Variants in ROS1 observed in about 807,000 individuals in gnomAD.
ROS1 encodes the protein ROS proto-oncogene 1, receptor tyrosine kinase.
Under a neutral mutation model 273.5 loss-of-function variants are expected in ROS1, and 263 were observed. That is an observed-to-expected ratio of 0.96 (90% CI 0.87 to 1.06). ROS1 has a LOEUF of 1.06. ROS1 is among the 50% of genes least tolerant of loss of function. The pLI is 0.00. For missense variants in ROS1, 2,833 were observed against 2,751.1 expected, an observed-to-expected ratio of 1.03 and a Z score of -0.67; for synonymous variants, 1,008 against 954.1, an observed-to-expected ratio of 1.06 and a Z score of -1.04.
intron 1 of ROS1, among the ~76,000 whole-genome samples, chr6:117,421,086 ATAAT>A (rs1411691771): frequency 4.6e-5 from 7 of 151,288 alleles, no homozygotes; most frequent in Non-Finnish European, 8.8e-5. Context: ...AGAAAAATTG[ATAAT>A]TTATTTTTAT....
At chr6:117,330,827 C>A in intron 32 of ROS1, among the ~76,000 whole-genome samples, 1 of 152,100 alleles carries the variant, frequency 6.6e-6, no homozygotes, top group East Asian at 1.9e-4. Context: ...CACAAAAAAC[C>A]CATACAAGGG....
At chr6:117,325,189 G>A (rs894709420) in intron 34 of ROS1, among the ~76,000 whole-genome samples, 2 of 152,114 alleles carry the variant, frequency 1.3e-5, no homozygotes, top group Non-Finnish European at 2.9e-5. Context: ...GCATGTGAGT[G>A]TATAAAATGC....
intron 7 of ROS1, among the ~76,000 whole-genome samples, chr6:117,399,019 A>G (rs961881825): frequency 6.6e-6 from 1 of 151,932 alleles, no homozygotes; most frequent in Non-Finnish European, 1.5e-5. Flanking sequence ...TGTCATTCCC[A>G]CAGCTAAAAG....
Position 117,329,435 on chromosome 6 carries a change from T to C in ROS1, c.5242A>G (p.Asn1748Asp). The C allele has an allele frequency of 1.3e-6, 2 of 1,554,322 alleles. No homozygotes were observed. The highest frequency in any genetic ancestry group is 1.4e-5 in the African/African-American group (1 of 73,670). The change falls in exon 33 of 44, where the codon AAT becomes GAT. Residue 1748 changes from asparagine to aspartate, a missense_variant. Coordinates refer to ENST00000368507, the MANE Select transcript of ROS1 (RefSeq NM_001378902.1). ...AGTAATTTGGGAATGCCTGGTTTAT[T>C]TGGGACTCCAGCTTTAGGGAAAAAA... ...ESFKTKAGVP[N>D]KPGIPKLLEG...
chr6:117,309,766 C>T (rs567766254), intron 41 of ROS1, among the ~76,000 whole-genome samples: 1 of 152,140 alleles, frequency 6.6e-6, no homozygotes, highest in Non-Finnish European at 1.5e-5. Flanking sequence ...GGTATTTGGG[C>T]ACACACTTGG....
At chr6:117,374,815 G>A (rs1477038136) in intron 18 of ROS1, among the ~76,000 whole-genome samples, 3 of 152,128 alleles carry the variant, frequency 2.0e-5, no homozygotes, top group South Asian at 4.1e-4. Context: ...TGTTGGCATG[G>A]ATGTGGTGAA....
At chr6:117,385,597 T>TA (rs60804513) in intron 16 of ROS1, 86 bp downstream of exon 16, 22,481 of 928,722 alleles carry the variant, frequency 0.024, 58 homozygotes, top group African/African-American at 0.064. Context: ...CACAGGTATT[T>TA]AAAAAAAAAA....
intron 1 of ROS1, among the ~76,000 whole-genome samples, chr6:117,424,990 A>C (rs1416989534): frequency 6.6e-6 from 1 of 152,226 alleles, no homozygotes; most frequent in Non-Finnish European, 1.5e-5. Context: ...ACACCCAGAA[A>C]TGAGAATGAA....
At chr6:117,329,154 C>G (rs1024060208) in intron 33 of ROS1, among the ~76,000 whole-genome samples, 175 bp downstream of exon 33, 2 of 152,188 alleles carry the variant, frequency 1.3e-5, no homozygotes, top group Non-Finnish European at 2.9e-5. Flanking sequence ...AATTAGCATG[C>G]CAAGACCAAC....
chr6:117,337,252 G>A lies in ROS1; in HGVS notation c.5150C>T (p.Thr1717Ile), dbSNP rs1777549804. The change falls in exon 32 of 44, where the codon ACT becomes ATT. Residue 1717 changes from threonine to isoleucine, a missense_variant. By Grantham distance (89) the Thr-to-Ile change is moderately conservative. Coordinates refer to ENST00000368507, the MANE Select transcript of ROS1 (RefSeq NM_001378902.1). Reference protein sequence around the residue: ...VCNITNLQPYTSYNVRVVVVY... With the variant: ...VCNITNLQPYISYNVRVVVVY... The stretch of plus-strand genomic sequence containing the variant: ...CACCACTACTCTGACATTATATGAA[G>A]TATAAGGTTGTAGATTTGTGATATT... 6.2e-7 allele frequency: 1 copy of A among 1,612,164 alleles called. No homozygotes were observed. Among genetic ancestry groups the A allele is most frequent in the South Asian group, 1.1e-5 (1 of 90,982 alleles).
At chr6:117,360,202 G>T in intron 23 of ROS1, 140 bp downstream of exon 23, 1 of 783,906 alleles carries the variant, frequency 1.3e-6, no homozygotes. Context: ...TGGTGTGTTG[G>T]GGTCAAAAAC....
chr6:117,419,806 T>C (rs1775615448), intron 1 of ROS1, among the ~76,000 whole-genome samples: 1 of 152,194 alleles, frequency 6.6e-6, no homozygotes, highest in Non-Finnish European at 1.5e-5. Flanking sequence ...AGTCACACTG[T>C]AACGGTAGTG....
chr6:117,328,559 C>T (rs912035882), intron 33 of ROS1: 6 of 413,500 alleles, frequency 1.5e-5, no homozygotes, highest in African/African-American at 1.2e-4. Flanking sequence ...ATGCCAGAGC[C>T]AGATGAAGCA....
intron 31 of ROS1, 76 bp downstream of exon 31, chr6:117,341,059 C>T (rs768751120): frequency 5.7e-5 from 50 of 875,316 alleles, no homozygotes; most frequent in Non-Finnish European, 7.7e-5. Flanking sequence ...TATACATGAG[C>T]ATGTTCTAGA....
intron 31 of ROS1, 26 bp from the exon 32 acceptor site, chr6:117,337,366 T>G: frequency 6.4e-7 from 1 of 1,563,182 alleles, no homozygotes; most frequent in Non-Finnish European, 8.7e-7. Context: ...TCGATTAATA[T>G]TTTTGTTTCT....
At chr6:117,294,341 A>G (rs1042371013) in intron 43 of ROS1, among the ~76,000 whole-genome samples, 5 of 152,132 alleles carry the variant, frequency 3.3e-5, no homozygotes, top group Admixed American at 6.5e-5. Context: ...ATAAAAAGGC[A>G]TCTCATAAAA....
At chr6:117,336,964 T>A (rs930182065) in intron 32 of ROS1, among the ~76,000 whole-genome samples, 1 of 152,126 alleles carries the variant, frequency 6.6e-6, no homozygotes, top group African/African-American at 2.4e-5. Flanking sequence ...TTTTGCCCAG[T>A]TCAGGATCCA....
Position 117,301,083 on chromosome 6 carries a change from A to C in ROS1, c.6606T>G (p.Phe2202Leu). The C allele has an allele frequency of 6.2e-7, 1 of 1,604,138 alleles. No individual in the cohort carries two copies. The highest frequency in any genetic ancestry group is 1.1e-5 in the South Asian group (1 of 87,996). ...ACTGAAGTTGGTCCTGAATTCTATG[A>C]AAAGTAGGTCTTTGGTCGGGTTCTT... The part of the protein sequence containing the change: ...WAQEPDQRPT[F>L]HRIQDQLQLF... Residue 2202 changes from phenylalanine to leucine, a missense_variant, in exon 43 of 44, where the codon TTT becomes TTG. Phe to Leu is a conservative substitution (Grantham distance 22). Transcript: ENST00000368507.
intron 35 of ROS1, 41 bp from the exon 36 acceptor site, chr6:117,321,435 T>A: frequency 6.5e-7 from 1 of 1,531,092 alleles, no homozygotes; most frequent in East Asian, 2.3e-5. Context: ...AATAAAATAT[T>A]GCTTCTTTTT....
Sources: gnomAD v4.1 joint callset for allele counts (sites outside exome capture counted in the v4.1 genomes callset) on GRCh38, gnomAD v4.1.1 for gene constraint, MANE v1.5 for transcripts, NCBI Gene and HGNC (gene_info 2026-07-23, HGNC 2026-07-21) for gene names.